ERC2: variants seen among roughly 807,000 people sequenced by gnomAD.
The protein encoded by ERC2 is ERC protein 2.
In ERC2, 42 loss-of-function variants were observed where a neutral mutation model predicts 114.8. That is an observed-to-expected ratio of 0.37 (90% CI 0.29 to 0.47). The LOEUF is 0.47. Among genes scored for constraint, ERC2 ranks in the 20% least tolerant of loss-of-function variants. The pLI is 0.99. For synonymous variants in ERC2, 454 were observed against 425.5 expected, an observed-to-expected ratio of 1.07 and a Z score of -0.82; for missense variants, 939 against 1,150.7, an observed-to-expected ratio of 0.82 and a Z score of 2.66.
chr3:55,768,344 C>A (rs545771093), intron 14 of ERC2, among the ~76,000 whole-genome samples: 2 of 152,190 alleles, frequency 1.3e-5, no homozygotes, highest in Non-Finnish European at 2.9e-5. Flanking sequence ...TCACATCCAT[C>A]GCTCATTCTT....
At chr3:55,614,591 C>G (rs2059048686) in intron 17 of ERC2, among the ~76,000 whole-genome samples, 2 of 152,036 alleles carry the variant, frequency 1.3e-5, no homozygotes, top group Admixed American at 6.6e-5. Context: ...CTTTGGGTGA[C>G]AAAGATACCC....
intron 12 of ERC2, among the ~76,000 whole-genome samples, chr3:55,953,271 G>T (rs1576340492): frequency 6.6e-6 from 1 of 151,946 alleles, no homozygotes; most frequent in South Asian, 2.1e-4. Flanking sequence ...TTATGATGGA[G>T]GCCTATCTCC....
At position 55,848,762 on chromosome 3, in the gene ERC2, G is replaced by T. The variant is rs183588372; in HGVS notation, c.2564+39627C>A. 2.6e-5 allele frequency among the ~76,000 whole-genome samples: 4 copies of T among 152,308 alleles called. No individual in the cohort carries two copies. The East Asian group carries it at 7.7e-4, about 29-fold the overall frequency. ...GAAACTGATTATTTTCCAAGATTCAGATCAAACTGAATCTCCTCTAATAGC... is the reference window on the plus strand; with the variant it reads ...GAAACTGATTATTTTCCAAGATTCATATCAAACTGAATCTCCTCTAATAGC... On this transcript the variant is annotated intron_variant, in intron 14 of 17. Transcript: ENST00000288221.
At chr3:55,577,095 G>A (rs114032374) in intron 17 of ERC2, among the ~76,000 whole-genome samples, 7 of 152,162 alleles carry the variant, frequency 4.6e-5, no homozygotes, top group Admixed American at 3.9e-4. Flanking sequence ...CTCTCCACCC[G>A]ATCACCTTTT....
At chr3:56,226,986 C>T (rs2050287522) in intron 3 of ERC2, among the ~76,000 whole-genome samples, 1 of 152,140 alleles carries the variant, frequency 6.6e-6, no homozygotes, top group African/African-American at 2.4e-5. Context: ...ACTCACTTTA[C>T]CTCCAGCTTA....
Position 55,948,805 on chromosome 3 carries a change from A to G in ERC2, c.2403+1620T>C, listed in dbSNP as rs1488571920. Reference sequence around the variant, plus strand: ...AGACAAAAACTTTGATGCTCATTGTATATCAGATTAGAACTGTAGAAATAC... The same window carrying G: ...AGACAAAAACTTTGATGCTCATTGTGTATCAGATTAGAACTGTAGAAATAC... On this transcript the variant is annotated intron_variant, in intron 13 of 17. Transcript: ENST00000288221. Among the ~76,000 whole-genome samples, 5 of 152,354 alleles carry G rather than the reference A, an allele frequency of 3.3e-5. No individual in the cohort carries two copies. The East Asian group carries it at 9.6e-4, about 29-fold the overall frequency.
chr3:55,726,515 A>G (rs757683078), intron 15 of ERC2, among the ~76,000 whole-genome samples: 3 of 152,142 alleles, frequency 2.0e-5, no homozygotes, highest in Admixed American at 1.3e-4. Context: ...CTGAGATCCA[A>G]TTTTGACTAG....
intron 4 of ERC2, among the ~76,000 whole-genome samples, chr3:56,162,483 A>G (rs1361450763): frequency 6.6e-6 from 1 of 152,200 alleles, no homozygotes; most frequent in Non-Finnish European, 1.5e-5. Context: ...GTTTGAAAGA[A>G]TTCAACTGTG....
At chr3:55,542,075 A>G (rs2054434504) in intron 17 of ERC2, among the ~76,000 whole-genome samples, 2 of 152,232 alleles carry the variant, frequency 1.3e-5, no homozygotes, top group Admixed American at 6.5e-5. Context: ...GAAAATTGAG[A>G]CAGAAAATCT....
At chr3:55,983,372 G>A (rs540988198) in intron 12 of ERC2, among the ~76,000 whole-genome samples, 4 of 152,216 alleles carry the variant, frequency 2.6e-5, no homozygotes, top group East Asian at 3.9e-4. Flanking sequence ...AAAGTTTCAC[G>A]TAAACCCTCC....
At chr3:55,900,152 G>C (rs1266413682) in intron 13 of ERC2, among the ~76,000 whole-genome samples, 1 of 152,186 alleles carries the variant, frequency 6.6e-6, no homozygotes, top group African/African-American at 2.4e-5. Flanking sequence ...TGACTCTAGA[G>C]CTGTCAACAG....
At chr3:55,749,358 T>C (rs975433692) in intron 14 of ERC2, among the ~76,000 whole-genome samples, 1 of 152,120 alleles carries the variant, frequency 6.6e-6, no homozygotes, top group African/African-American at 2.4e-5. Flanking sequence ...CTGCTTAGAT[T>C]TGAACTTCAA....
chr3:55,814,048 G>A (rs1284407114), intron 14 of ERC2, among the ~76,000 whole-genome samples: 1 of 152,156 alleles, frequency 6.6e-6, no homozygotes, highest in Non-Finnish European at 1.5e-5. Flanking sequence ...AGTTTGGAGA[G>A]GAAGATGAAA....
At chr3:56,021,524 C>T (rs928371244) in intron 7 of ERC2, among the ~76,000 whole-genome samples, 8 of 151,944 alleles carry the variant, frequency 5.3e-5, no homozygotes, top group Admixed American at 4.6e-4. Flanking sequence ...TCCAAGTTGC[C>T]AGCAGTTACA....
chr3:55,794,679 T>C (rs1428155851), intron 14 of ERC2, among the ~76,000 whole-genome samples: 4 of 152,252 alleles, frequency 2.6e-5, no homozygotes, highest in African/African-American at 4.8e-5. Context: ...ACAAGTTATA[T>C]GTTAGTCAAC....
intron 14 of ERC2, among the ~76,000 whole-genome samples, chr3:55,809,355 A>G (rs751386856): frequency 6.2e-4 from 95 of 152,296 alleles, no homozygotes; most frequent in Middle Eastern, 3.4e-3. Flanking sequence ...TCTGAAAAAC[A>G]CAGGCAACAA....
At chr3:55,872,742 A>G (rs2062642504) in intron 14 of ERC2, among the ~76,000 whole-genome samples, 1 of 152,194 alleles carries the variant, frequency 6.6e-6, no homozygotes, top group African/African-American at 2.4e-5. Flanking sequence ...AGCTTTCTGA[A>G]TCTACCTGGT....
chr3:56,395,304 T>G (rs1222739576), intron 2 of ERC2, among the ~76,000 whole-genome samples: 2 of 152,234 alleles, frequency 1.3e-5, no homozygotes, highest in African/African-American at 4.8e-5. Context: ...TTCATAAAGC[T>G]ATTTTAAAAT....
intron 3 of ERC2, among the ~76,000 whole-genome samples, chr3:56,187,609 G>A (rs1213647099): frequency 6.6e-6 from 1 of 152,166 alleles, no homozygotes; most frequent in Non-Finnish European, 1.5e-5. Flanking sequence ...CCTGCAGACA[G>A]GAAGGAATTA....
Sources: allele counts gnomAD v4.1 joint callset (sites outside exome capture counted in the v4.1 genomes callset), GRCh38; gene constraint gnomAD v4.1.1; transcripts MANE v1.5; gene names NCBI Gene and HGNC (gene_info 2026-07-23, HGNC 2026-07-21).